Variants in DGCR2 observed in about 807,000 individuals in gnomAD.
DGCR2 encodes the protein integral membrane protein DGCR2/IDD.
A neutral mutation model predicts 51.6 loss-of-function variants in DGCR2; 24 were observed. That is an observed-to-expected ratio of 0.47 (90% CI 0.34 to 0.65). The LOEUF is 0.65. Among genes scored for constraint, DGCR2 ranks in the 30% least tolerant of loss-of-function variants. The probability of loss-of-function intolerance (pLI) is 0.01; values close to 1 mark genes in which losing one functional copy is unlikely to be tolerated. For synonymous variants in DGCR2, 340 were observed against 315.4 expected (o/e 1.08, Z -0.82); for missense variants, 765 against 772.1 (o/e 0.99, Z 0.11).
intron 1 of DGCR2, among the ~76,000 whole-genome samples, chr22:19,091,383 T>C (rs188632547): frequency 3.3e-5 from 5 of 152,174 alleles, no homozygotes; most frequent in African/African-American, 1.2e-4. Flanking sequence ...CTGGAGTGTA[T>C]TAATATCACA....
In DGCR2 at chr22:19,112,453, T is replaced by C. The variant is rs1455976346; in HGVS notation, c.79+9675A>G. On this transcript the variant is annotated intron_variant, in intron 1 of 9. Coordinates refer to ENST00000263196, the MANE Select transcript of DGCR2 (RefSeq NM_005137.3). The stretch of plus-strand genomic sequence containing the variant: ...TCAAAACAGGTTTTTTTTTTGGTTT[T>C]GGTTTTTGAGGCAGGTCTTGCTCTG... Among the ~76,000 whole-genome samples the C allele has an allele frequency of 3.9e-5, 4 of 103,300 alleles. 1 individual carries two copies. Among genetic ancestry groups the C allele is most frequent in the Non-Finnish European group, 6.8e-5 (3 of 44,382 alleles). 67.8% of individuals were successfully genotyped at this position (103,300 alleles called of 152,430 possible).
intron 5 of DGCR2, chr22:19,061,880 A>C (rs1233149486): frequency 1.3e-5 from 2 of 152,148 alleles, no homozygotes; most frequent in African/African-American, 4.8e-5. Flanking sequence ...ATACGTGTTC[A>C]ATCTTTTTCT....
intron 1 of DGCR2, among the ~76,000 whole-genome samples, chr22:19,103,226 T>C (rs2083223105): frequency 6.6e-6 from 1 of 151,024 alleles, no homozygotes; most frequent in Non-Finnish European, 1.5e-5. Context: ...CCAAAGGCTG[T>C]GGGCAGGGGA....
At chr22:19,068,391 G>A (rs762505711) in intron 2 of DGCR2, among the ~76,000 whole-genome samples, 166 bp from the exon 3 acceptor site, 4 of 152,254 alleles carry the variant, frequency 2.6e-5, no homozygotes, top group Non-Finnish European at 5.9e-5. Context: ...ACTGCCGCTC[G>A]CATCAAATGG....
rs144845329 is a variant in DGCR2, at chr22:19,095,737, C to CT, written c.80-6248dup. Among the ~76,000 whole-genome samples, 408 of 149,764 alleles carry CT rather than the reference C, an allele frequency of 2.7e-3. 2 individuals carry two copies. The highest frequency in any genetic ancestry group is 9.0e-3 in the African/African-American group (363 of 40,526). On this transcript the variant is annotated intron_variant, in intron 1 of 9. Transcript: ENST00000263196. ...ATAAGTCAATTATACCTCAATAAGG[C>CT]TTTTTTTAACTATCATGAAATAGAT...
intron 2 of DGCR2, among the ~76,000 whole-genome samples, chr22:19,084,914 C>T (rs2082997127): frequency 6.6e-6 from 1 of 151,468 alleles, no homozygotes; most frequent in African/African-American, 2.4e-5. Flanking sequence ...CGGCCACCAC[C>T]CCATCTGGGA....
intron 1 of DGCR2, among the ~76,000 whole-genome samples, chr22:19,091,277 T>C (rs559199786): frequency 1.3e-5 from 2 of 152,334 alleles, no homozygotes; most frequent in East Asian, 3.9e-4. Context: ...GAGGATCACC[T>C]GAGCCTGGAA....
chr22:19,051,233 A>G (rs188389245), intron 6 of DGCR2, among the ~76,000 whole-genome samples: 4 of 151,872 alleles, frequency 2.6e-5, no homozygotes, highest in Admixed American at 1.3e-4. Context: ...GGAGAGAGAA[A>G]TAACTAGGAC....
chr22:19,083,706 CCCCTCTCCCTCTCCCCACGGTCT>C (rs2082969126), intron 2 of DGCR2, among the ~76,000 whole-genome samples: 1 of 106,616 alleles, frequency 9.4e-6, no homozygotes, highest in Admixed American at 9.3e-5. Context: ...CCTCCCCCTC[CCCCTCTCCCTCTCCCCACGGTCT>C]CCCTCTCCCT....
At chr22:19,061,135 T>G in intron 5 of DGCR2, 1 of 233,080 alleles carries the variant, frequency 4.3e-6, no homozygotes. Flanking sequence ...CATGGTTTTT[T>G]GGGTATTTTT....
In DGCR2 at chr22:19,071,980, G is replaced by A. The variant is rs551952003; in HGVS notation, c.203-3755C>T. 4.9e-4 allele frequency among the ~76,000 whole-genome samples: 75 copies of A among 152,230 alleles called. 1 individual carries two copies. Among genetic ancestry groups the A allele is most frequent in the South Asian group, 2.1e-3 (10 of 4,814 alleles). On this transcript the variant is annotated intron_variant, in intron 2 of 9. Transcript: ENST00000263196. ...TGGTGAACCCGGGTAAAGGCTGCAG[G>A]AGTGTTTATTGCACTATGATTATGA... is the stretch of plus-strand genomic sequence containing the variant.
Position 19,064,971 on chromosome 22 carries a change from G to A in DGCR2, c.425C>T (p.Ala142Val), listed in dbSNP as rs375125396. ...YLSGENYWDA[A>V]QTCQRLNGSL... ...GCCATTCAGGCGCTGGCAGGTCTGC[G>A]CGGCATCCCAGTAGTTCTCCCCGCT... The change falls in exon 4 of 10, where the codon GCG becomes GTG. Residue 142 changes from alanine (A) to valine (V), a missense_variant. Physicochemically the swap from Ala to Val is moderately conservative, Grantham distance 64 (BLOSUM62 0). Around this residue, in one of 3 missense-constraint regions of DGCR2, gnomAD observed 370 missense variants for 325.5 expected, o/e 1.14. Transcript: ENST00000263196. 1.2e-5 allele frequency: 20 copies of A among 1,613,882 alleles called. No individual in the cohort carries two copies. The highest frequency in any genetic ancestry group is 1.6e-4 in the Middle Eastern group (1 of 6,084).
chr22:19,103,273 G>A (rs866882108), intron 1 of DGCR2, among the ~76,000 whole-genome samples: 9 of 146,956 alleles, frequency 6.1e-5, no homozygotes, highest in Non-Finnish European at 1.1e-4. Flanking sequence ...TAGAGTTACC[G>A]TTTGGGATGA....
chr22:19,073,181 T>C (rs765145706), intron 2 of DGCR2, among the ~76,000 whole-genome samples: 6 of 152,160 alleles, frequency 3.9e-5, no homozygotes, highest in Non-Finnish European at 8.8e-5. Context: ...AGAGGACTGT[T>C]TGAGCCTAGC....
chr22:19,121,286 T>C (rs545044710), intron 1 of DGCR2, among the ~76,000 whole-genome samples: 4 of 152,290 alleles, frequency 2.6e-5, no homozygotes, highest in Admixed American at 6.5e-5. Flanking sequence ...AAAAGTTCAT[T>C]TTTTTTCTGC....
chr22:19,118,386 A>C (rs1050959445), intron 1 of DGCR2, among the ~76,000 whole-genome samples: 2 of 151,182 alleles, frequency 1.3e-5, no homozygotes, highest in African/African-American at 2.4e-5. Context: ...AAAAAAAAAA[A>C]AAAAAAAAAA....
intron 1 of DGCR2, among the ~76,000 whole-genome samples, chr22:19,116,222 A>C (rs2146060334): frequency 6.6e-6 from 1 of 152,330 alleles, no homozygotes. Context: ...AGCTCATTTG[A>C]GGCAAAACCA....
chr22:19,089,982 A>C (rs932762469), intron 1 of DGCR2, among the ~76,000 whole-genome samples: 1 of 152,244 alleles, frequency 6.6e-6, no homozygotes, highest in Non-Finnish European at 1.5e-5. Flanking sequence ...TAGCTGCAGA[A>C]AAGACTATAT....
chr22:19,060,951 C>T (rs776392565), intron 5 of DGCR2: 9 of 456,994 alleles, frequency 2.0e-5, no homozygotes, highest in South Asian at 1.3e-4. Flanking sequence ...CACTCACACC[C>T]CAATCTGGAA....
Sources: allele counts gnomAD v4.1 joint callset (sites outside exome capture counted in the v4.1 genomes callset), GRCh38; gene constraint gnomAD v4.1.1; regional missense constraint gnomAD v4.1.1; transcripts MANE v1.5; gene names NCBI Gene and HGNC (gene_info 2026-07-23, HGNC 2026-07-21).